The following CCNT2 variants were observed in gnomAD, a reference collection of about 807,000 sequenced individuals.
CCNT2 encodes cyclin T2.
In CCNT2, 18 loss-of-function variants were observed where a neutral mutation model predicts 70.0. The observed-to-expected ratio is 0.26, with a 90% CI of 0.18 to 0.38. CCNT2 has a LOEUF of 0.38. CCNT2 is among the 10% of genes least tolerant of loss of function. CCNT2 has a pLI of 1.00. For missense variants in CCNT2, 734 were observed against 890.2 expected (o/e 0.82, Z 2.23); for synonymous variants, 334 against 313.3 (o/e 1.07, Z -0.70).
chr2:134,936,419 A>C (rs373591558), intron 2 of CCNT2, among the ~76,000 whole-genome samples: 147 of 152,228 alleles, frequency 9.7e-4, no homozygotes, highest in African/African-American at 3.4e-3. Context: ...CATACTATTA[A>C]TATTGCATTC....
At chr2:134,931,262 C>CTTTTTTTTTTTTTTTTTTTTTGTTTT (rs1680741284) in intron 2 of CCNT2, among the ~76,000 whole-genome samples, 1 of 42,418 alleles carries the variant, frequency 2.4e-5, no homozygotes, top group Non-Finnish European at 4.2e-5. Context: ...ATGCCCGGAT[C>CTTTTTTTTTTTTTTTTTTTTTGTTTT]TTTTTTTTTT....
chr2:134,922,409 GTGC>G (rs1559087097), intron 2 of CCNT2, among the ~76,000 whole-genome samples: 1 of 152,160 alleles, frequency 6.6e-6, no homozygotes, highest in African/African-American at 2.4e-5. Flanking sequence ...CAAAAGTAAT[GTGC>G]TGCTGTATTA....
In CCNT2 at chr2:134,919,993, T is replaced by A; in HGVS notation, c.240+102T>A. ...CGTTGTTGGATTTAGTGTTCTGAAT[T>A]AACGGTAAACGTATATCACGTGATA... On this transcript the variant is annotated intron_variant, in intron 2 of 8. Coordinates refer to ENST00000264157, the MANE Select transcript of CCNT2 (RefSeq NM_058241.3). 5.3e-6 allele frequency: 4 copies of A among 757,096 alleles called. 1 individual carries two copies. The highest frequency in any genetic ancestry group is 4.8e-5 in the South Asian group (3 of 61,902). 46.9% of individuals were successfully genotyped at this position (757,096 alleles called of 1,614,324 possible).
In CCNT2 at chr2:134,933,497, A is replaced by G. The variant is rs534269340; in HGVS notation, c.241-3344A>G. Among the ~76,000 whole-genome samples, 27 of 152,288 alleles carry G rather than the reference A, an allele frequency of 1.8e-4. No individual in the cohort carries two copies. In the East Asian group the frequency reaches 5.2e-3, roughly 29 times the overall value. On this transcript the variant is annotated intron_variant, in intron 2 of 8. Coordinates refer to ENST00000264157, the MANE Select transcript of CCNT2 (RefSeq NM_058241.3). ...CAGCCAGGAGTGGGCAGGAGGAGAA[A>G]AAATGGAGAAGGAAGGGAGTCAGAT...
Position 134,954,494 on chromosome 2 carries a change from A to G in CCNT2, c.2039A>G (p.His680Arg). Residue 680 changes from histidine to arginine, a missense_variant, in exon 9 of 9, where the codon CAT becomes CGT. This residue lies in a region of CCNT2 where 532 missense variants were observed against 556.9 expected (regional missense o/e 0.96). Coordinates refer to ENST00000264157, the MANE Select transcript of CCNT2 (RefSeq NM_058241.3). ...GTCACATACCAGGTGGGCTACGGAC[A>G]TCTCAGCACCCTCGTGAAACTGGAC... ...PPVTYQVGYGHLSTLVKLDKK... is the reference protein window; with the variant it reads ...PPVTYQVGYGRLSTLVKLDKK... 6.2e-7 allele frequency: 1 copy of G among 1,614,190 alleles called. No individual in the cohort carries two copies. Among genetic ancestry groups the G allele is most frequent in the East Asian group, 2.2e-5 (1 of 44,884 alleles).
chr2:134,947,091 A>C (rs1682037462), intron 6 of CCNT2, among the ~76,000 whole-genome samples: 1 of 152,208 alleles, frequency 6.6e-6, no homozygotes, highest in Non-Finnish European at 1.5e-5. Context: ...CACATATTTC[A>C]TGCCCCATAT....
intron 2 of CCNT2, among the ~76,000 whole-genome samples, chr2:134,935,870 T>C (rs1236407731): frequency 3.9e-5 from 6 of 152,150 alleles, no homozygotes; most frequent in Admixed American, 3.9e-4. Context: ...TATTGGTTTA[T>C]ATTACATGCT....
chr2:134,930,489 G>A (rs530860333), intron 2 of CCNT2, among the ~76,000 whole-genome samples: 74 of 152,312 alleles, frequency 4.9e-4, no homozygotes, highest in African/African-American at 1.8e-3. Flanking sequence ...GTGAACATAT[G>A]TTTTCATTTC....
chr2:134,952,663 A>G lies in CCNT2; in HGVS notation c.726A>G (p.Gln242=), dbSNP rs764473101. The change falls in exon 8 of 9, where the codon CAA becomes CAG. Residue 242 remains glutamine, a synonymous_variant. Coordinates refer to ENST00000264157, the MANE Select transcript of CCNT2 (RefSeq NM_058241.3). The stretch of plus-strand genomic sequence containing the variant: ...TAGAGCTAACACATGAGTTTCTACA[A>G]ATATTGGAGAAAACGCCTAATAGGT... The part of the protein sequence containing the change: ...LLDELTHEFL[Q]ILEKTPNRLK... 1.2e-5 allele frequency: 19 copies of G among 1,599,314 alleles called. No homozygotes were observed. The highest frequency in any genetic ancestry group is 1.4e-5 in the Non-Finnish European group (16 of 1,173,180).
intron 2 of CCNT2, among the ~76,000 whole-genome samples, chr2:134,922,345 C>T (rs1679975859): frequency 6.6e-6 from 1 of 152,120 alleles, no homozygotes; most frequent in Admixed American, 6.5e-5. Context: ...TTTAAATGTT[C>T]AGGTGACTTA....
chr2:134,919,530 T>A (rs1679708073), intron 1 of CCNT2, among the ~76,000 whole-genome samples: 1 of 152,144 alleles, frequency 6.6e-6, no homozygotes, highest in Non-Finnish European at 1.5e-5. Context: ...TTCAACTGTT[T>A]CATTTTGAGT....
chr2:134,946,095 T>G lies in CCNT2; in HGVS notation c.494-6T>G. On this transcript the variant is annotated splice_region_variant and splice_polypyrimidine_tract_variant and intron_variant, in intron 5 of 8. Transcript: ENST00000264157. ...TATTGTCTTCGTTTTTTTTTTTTTC[T>G]TACAGCAAGCAAGGATTTGGCACAG... 6.2e-7 allele frequency: 1 copy of G among 1,610,758 alleles called. No individual in the cohort carries two copies. The highest frequency in any genetic ancestry group is 8.5e-7 in the Non-Finnish European group (1 of 1,179,106).
At chr2:134,943,328 T>G (rs1681706175) in intron 5 of CCNT2, 1 of 558,616 alleles carries the variant, frequency 1.8e-6, no homozygotes, top group Non-Finnish European at 2.3e-6. Flanking sequence ...TTGAGCCCAG[T>G]AGTTGGAGGT....
chr2:134,935,227 G>T (rs1448871880), intron 2 of CCNT2, among the ~76,000 whole-genome samples: 1 of 152,134 alleles, frequency 6.6e-6, no homozygotes, highest in Non-Finnish European at 1.5e-5. Context: ...GAAATAAGTT[G>T]AAAGTGCAAA....
rs1014992212 is a variant in CCNT2 at position 134,957,720 on chromosome 2, A to G, written c.*3072A>G. On this transcript the variant is annotated 3_prime_UTR_variant, in exon 9 of 9. Coordinates refer to ENST00000264157, the MANE Select transcript of CCNT2 (RefSeq NM_058241.3). ...CCAAAAAAGTCCTGTTGTCAGCCCTAGGTTTATCTTTGAAAGCAGTTAAAT... is the reference window on the plus strand; with the variant it reads ...CCAAAAAAGTCCTGTTGTCAGCCCTGGGTTTATCTTTGAAAGCAGTTAAAT... The G allele has an allele frequency of 6.6e-6, 1 of 152,202 alleles. No homozygotes were observed. The highest frequency in any genetic ancestry group is 2.4e-5 in the African/African-American group (1 of 41,454). 9.4% of individuals were successfully genotyped at this position (152,202 alleles called of 1,614,324 possible).
At chr2:134,949,821 A>AGG in intron 7 of CCNT2, among the ~76,000 whole-genome samples, 1 of 142,532 alleles carries the variant, frequency 7.0e-6, no homozygotes. Flanking sequence ...GGTGGGGGAC[A>AGG]GAGTCTCAGT....
Position 134,949,805 on chromosome 2 carries a change from G to A in CCNT2, c.703+1906G>A, listed in dbSNP as rs527710123. 7.9e-5 allele frequency among the ~76,000 whole-genome samples: 11 copies of A among 139,426 alleles called. 1 individual carries two copies. Among genetic ancestry groups the A allele is most frequent in the East Asian group, 2.3e-4 (1 of 4,288 alleles). The allele number at this position is 139,426 out of a possible 152,430, so 91.5% of individuals were successfully genotyped here. ...TAGGTAGGCAAAATTTTTTTTTCGG[G>A]GGGGGGGTGGGGGACAGAGTCTCAG... On this transcript the variant is annotated intron_variant, in intron 7 of 8. Coordinates refer to ENST00000264157, the MANE Select transcript of CCNT2 (RefSeq NM_058241.3).
intron 7 of CCNT2, among the ~76,000 whole-genome samples, chr2:134,949,805 G>GA (rs1553525616): frequency 7.2e-6 from 1 of 139,426 alleles, no homozygotes; most frequent in Non-Finnish European, 1.6e-5. Context: ...TTTTTTTCGG[G>GA]GGGGGGGTGG....
intron 2 of CCNT2, among the ~76,000 whole-genome samples, chr2:134,923,920 G>GA (rs1229661516): frequency 6.6e-6 from 1 of 152,094 alleles, no homozygotes; most frequent in Non-Finnish European, 1.5e-5. Flanking sequence ...AGTAAACAAT[G>GA]AAAAAACCTC....
Sources: gnomAD v4.1 joint callset for allele counts (sites outside exome capture counted in the v4.1 genomes callset) on GRCh38, gnomAD v4.1.1 for gene constraint, gnomAD v4.1.1 regional missense constraint, MANE v1.5 for transcripts, NCBI Gene and HGNC (gene_info 2026-07-23, HGNC 2026-07-21) for gene names.